Variants in MICAL2 observed in about 807,000 individuals in gnomAD.
The protein encoded by MICAL2 is microtubule associated monooxygenase, calponin and LIM domain containing 2, also known as [F-actin]-monooxygenase MICAL2.
In MICAL2, 77 loss-of-function variants were observed where a neutral mutation model predicts 127.3. The ratio of observed to expected loss-of-function variants is 0.60; its 90% confidence interval spans 0.50 to 0.73. The LOEUF (loss-of-function observed/expected upper bound fraction) is 0.73, where lower values mean the gene tolerates loss of function less well. MICAL2 is among the 30% of genes least tolerant of loss of function. The pLI, the probability that MICAL2 is intolerant of heterozygous loss-of-function variation, is 0.00. For synonymous variants in MICAL2, 570 were observed against 551.1 expected (o/e 1.03, Z -0.48); for missense variants, 1,351 against 1,434.4 (o/e 0.94, Z 0.94).
chr11:12,161,572 G>A (rs1433196579), intron 2 of MICAL2: 2 of 153,428 alleles, frequency 1.3e-5, no homozygotes, highest in African/African-American at 4.8e-5. Flanking sequence ...GGTGTCTACG[G>A]AGAGGTGGGC....
chr11:12,268,794 T>C (rs191883328), intron 24 of MICAL2, among the ~76,000 whole-genome samples: 167 of 150,124 alleles, frequency 1.1e-3, no homozygotes, highest in East Asian at 5.9e-3. Context: ...ATCGAGACCA[T>C]CCTGGCTAAC....
chr11:12,275,383 G>A (rs1863714126), upstream of MICAL2, among the ~76,000 whole-genome samples: 1 of 152,184 alleles, frequency 6.6e-6, no homozygotes, highest in Non-Finnish European at 1.5e-5. Context: ...GAGACCAGAT[G>A]AGGGCATCAA....
intron 3 of MICAL2, among the ~76,000 whole-genome samples, chr11:12,193,281 G>A (rs1035816439): frequency 1.3e-5 from 2 of 152,250 alleles, no homozygotes; most frequent in South Asian, 4.1e-4. Context: ...CTGTAGAATA[G>A]CATGGTAGCC....
At chr11:12,195,205 C>G (rs747800277) in intron 3 of MICAL2, among the ~76,000 whole-genome samples, 2 of 152,074 alleles carry the variant, frequency 1.3e-5, no homozygotes, top group African/African-American at 4.8e-5. Context: ...TGCAGTGAGC[C>G]GTGATTGTGG....
rs140471717 is a variant in MICAL2 at position 12,216,314 on chromosome 11, A to G, written c.943A>G (p.Ile315Val). 587 of 1,613,270 alleles carry G rather than the reference A, an allele frequency of 3.6e-4. 4 individuals are homozygous for G. The East Asian group carries it at 0.01, about 28-fold the overall frequency. The change falls in exon 8 of 28, where the codon ATT (isoleucine) becomes GTT (valine). Residue 315 changes from isoleucine to valine, a missense_variant. Ile to Val is a conservative substitution (Grantham distance 29, BLOSUM62 3). Around this residue, in one of 2 missense-constraint regions of MICAL2, gnomAD observed 599 missense variants for 714.9 expected, o/e 0.84. Transcript: ENST00000683283. ...GAGCCTGCTCGACAAAGGTGTCATC[A>G]TTAACGTACGTACCTCTTGGCTGCG... ...KQSLLDKGVIINDYIDTEMLL... is the reference protein window; with the variant it reads ...KQSLLDKGVIVNDYIDTEMLL...
intron 3 of MICAL2, among the ~76,000 whole-genome samples, chr11:12,202,783 C>T (rs61875235): frequency 0.012 from 1,828 of 152,266 alleles, 53 homozygotes; most frequent in Admixed American, 0.031. Context: ...TTTTCTCATG[C>T]GCTTTTTAAA....
chr11:12,277,772 TG>T (rs1358810559), intron 1 of MICAL2, among the ~76,000 whole-genome samples: 3 of 152,180 alleles, frequency 2.0e-5, no homozygotes, highest in Non-Finnish European at 2.9e-5. Context: ...CTAAGAAATG[TG>T]TTATCAGGTG....
intron 3 of MICAL2, among the ~76,000 whole-genome samples, chr11:12,183,456 G>T (rs1190000050): frequency 6.6e-6 from 1 of 152,150 alleles, no homozygotes; most frequent in Non-Finnish European, 1.5e-5. Context: ...CTCTGCTCCA[G>T]CTCAGAGCCC....
At chr11:12,162,503 A>T (rs1355656944) in intron 3 of MICAL2, 84 bp downstream of exon 3, 1 of 1,518,534 alleles carries the variant, frequency 6.6e-7, no homozygotes, top group East Asian at 2.3e-5. Flanking sequence ...CCATTTTGGC[A>T]CTCTACGGTT....
At chr11:12,127,161 T>G (rs1250327931) in intron 1 of MICAL2, among the ~76,000 whole-genome samples, 1 of 152,156 alleles carries the variant, frequency 6.6e-6, no homozygotes, top group Admixed American at 6.5e-5. Flanking sequence ...CACAGGGAAC[T>G]CTTGTAAATC....
intron 34 of MICAL2, among the ~76,000 whole-genome samples, chr11:12,355,214 G>A (rs1188870745): frequency 6.6e-6 from 1 of 152,196 alleles, no homozygotes; most frequent in Non-Finnish European, 1.5e-5. Flanking sequence ...TCACTGGGGA[G>A]ACTAACACCC....
At chr11:12,155,355 C>T (rs533064668) in intron 2 of MICAL2, among the ~76,000 whole-genome samples, 1 of 152,274 alleles carries the variant, frequency 6.6e-6, no homozygotes, top group South Asian at 2.1e-4. Context: ...CATACACATG[C>T]TACATATACA....
At chr11:12,158,496 A>G (rs1854430720) in intron 2 of MICAL2, among the ~76,000 whole-genome samples, 1 of 104,158 alleles carries the variant, frequency 9.6e-6, no homozygotes, top group South Asian at 2.9e-4. Flanking sequence ...GATTGAAAAT[A>G]TTCAGGAAAA....
chr11:12,256,376 G>A lies in MICAL2; in HGVS notation c.2956-409G>A, dbSNP rs115865934. ...ACAGGACACCTAAAACATCCTCAGC[G>A]GGCCAGTTTCAGGACCTTTGTCCAG... On this transcript the variant is annotated intron_variant, in intron 23 of 27. Coordinates refer to ENST00000683283, the MANE Select transcript of MICAL2 (RefSeq NM_001282663.2). The A allele has an allele frequency of 5.5e-3, 895 of 164,068 alleles. 7 individuals carry two copies. Among genetic ancestry groups the A allele is most frequent in the African/African-American group, 0.021 (861 of 41,886 alleles). The allele number at this position is 164,068 out of a possible 1,614,324, so 10.2% of individuals were successfully genotyped here.
chr11:12,350,688 A>G (rs922624989), intron 33 of MICAL2, among the ~76,000 whole-genome samples: 1 of 152,202 alleles, frequency 6.6e-6, no homozygotes, highest in South Asian at 2.1e-4. Context: ...GGGAACATCA[A>G]AATATTATCT....
chr11:12,315,825 G>A (rs1039831409), intron 29 of MICAL2, among the ~76,000 whole-genome samples: 1 of 152,026 alleles, frequency 6.6e-6, no homozygotes, highest in Non-Finnish European at 1.5e-5. Context: ...AAGAGAAAAG[G>A]GTTAATACCC....
Position 12,342,367 on chromosome 11 carries a change from T to C in MICAL2, c.5516-7471T>C, listed in dbSNP as rs117072492. Among the ~76,000 whole-genome samples, 236 of 152,362 alleles carry C rather than the reference T, an allele frequency of 1.5e-3. No individual in the cohort carries two copies. The East Asian group carries it at 0.032, about 20-fold the overall frequency. ...GTGTCTTCCCAAGAAGTGCGGATGA[T>C]CTACGCAGCCACATGACCTTTTCAT... On this transcript the variant is annotated intron_variant, in intron 32 of 34. Transcript: ENST00000646065.
At chr11:12,293,739 T>G (rs201959594), downstream of MICAL2, 105 of 1,613,860 alleles carry the variant, frequency 6.5e-5, no homozygotes, top group Non-Finnish European at 8.6e-5. Context: ...GAAGATGGCC[T>G]CTCAGACCCT....
chr11:12,297,604 G>A (rs1168176257), intron 29 of MICAL2, among the ~76,000 whole-genome samples: 2 of 151,954 alleles, frequency 1.3e-5, no homozygotes, highest in Non-Finnish European at 2.9e-5. Context: ...TTCCAAGTTT[G>A]TAGAAGAATT....
Sources: allele counts gnomAD v4.1 joint callset (sites outside exome capture counted in the v4.1 genomes callset), GRCh38; gene constraint gnomAD v4.1.1; regional missense constraint gnomAD v4.1.1; transcripts MANE v1.5; gene names NCBI Gene and HGNC (gene_info 2026-07-23, HGNC 2026-07-21).